Variants in GRID1 observed in about 807,000 individuals in gnomAD.
GRID1 encodes the protein glutamate receptor ionotropic, delta-1.
In GRID1, 28 loss-of-function variants were observed where a neutral mutation model predicts 98.0. The observed-to-expected ratio is 0.29, with a 90% CI of 0.21 to 0.39. The LOEUF is 0.39. Among genes scored for constraint, GRID1 ranks in the 10% least tolerant of loss-of-function variants. GRID1 has a pLI of 1.00. For synonymous variants in GRID1, 553 were observed against 538.5 expected (o/e 1.03, Z -0.37); for missense variants, 1,111 against 1,340.5 (o/e 0.83, Z 2.67).
intron 2 of GRID1, among the ~76,000 whole-genome samples, chr10:86,284,809 G>T (rs1050033476): frequency 6.6e-6 from 1 of 152,224 alleles, no homozygotes; most frequent in Admixed American, 6.5e-5. Flanking sequence ...GCATAGGGTC[G>T]CAGCAGAGGG....
intron 2 of GRID1, among the ~76,000 whole-genome samples, chr10:86,210,183 G>A (rs759862408): frequency 2.0e-5 from 3 of 152,180 alleles, no homozygotes; most frequent in Non-Finnish European, 4.4e-5. Flanking sequence ...AAGGGACTTA[G>A]AACCTTTCAG....
At chr10:85,771,291 G>A (rs564927138) in intron 8 of GRID1, among the ~76,000 whole-genome samples, 4 of 152,076 alleles carry the variant, frequency 2.6e-5, no homozygotes, top group African/African-American at 7.2e-5. Flanking sequence ...TTGTCACCAC[G>A]AGGCCTGCCC....
chr10:86,016,020 C>T (rs1034745605), intron 4 of GRID1, among the ~76,000 whole-genome samples: 3 of 151,904 alleles, frequency 2.0e-5, no homozygotes, highest in East Asian at 1.9e-4. Flanking sequence ...GGGAAGTTAC[C>T]GAGCATTATG....
rs187498718 is a variant in GRID1 at position 86,067,250 on chromosome 10, C to T, written c.726+71569G>A. Among the ~76,000 whole-genome samples, 432 of 152,330 alleles carry T rather than the reference C, an allele frequency of 2.8e-3. 5 individuals are homozygous for T. Among genetic ancestry groups the T allele is most frequent in the African/African-American group, 9.8e-3 (409 of 41,568 alleles). On this transcript the variant is annotated intron_variant, in intron 4 of 15. Transcript: ENST00000327946. ...CGGCTCCAGCAGTACAGAGCCTCCG[C>T]GCTCTGCATGCACGCTGGAGGGTTG...
intron 4 of GRID1, among the ~76,000 whole-genome samples, chr10:85,964,910 C>T (rs1330269226): frequency 6.6e-6 from 1 of 152,164 alleles, no homozygotes. Flanking sequence ...GGGCTAATAT[C>T]CAGAATCTAC....
intron 13 of GRID1, among the ~76,000 whole-genome samples, chr10:85,635,711 T>C (rs1044027458): frequency 1.3e-5 from 2 of 152,228 alleles, no homozygotes; most frequent in African/African-American, 4.8e-5. Flanking sequence ...GGATGGCATC[T>C]GGTGAGGCTG....
chr10:85,936,032 T>C (rs1239149729), intron 4 of GRID1, among the ~76,000 whole-genome samples: 1 of 152,104 alleles, frequency 6.6e-6, no homozygotes, highest in Non-Finnish European at 1.5e-5. Flanking sequence ...GGGTCCATCA[T>C]CTGCAACACA....
At chr10:85,965,626 G>A (rs1434815077) in intron 4 of GRID1, among the ~76,000 whole-genome samples, 2 of 152,056 alleles carry the variant, frequency 1.3e-5, no homozygotes, top group African/African-American at 2.4e-5. Flanking sequence ...TCACACACCA[G>A]GGCCTGTCAG....
chr10:86,271,450 A>G (rs1046940102), intron 2 of GRID1, among the ~76,000 whole-genome samples: 1 of 152,250 alleles, frequency 6.6e-6, no homozygotes, highest in Non-Finnish European at 1.5e-5. Flanking sequence ...GAAGAAAAAA[A>G]TCAATCGATC....
rs761950611 is a variant in GRID1, at chr10:86,366,363, G to A, written c.30C>T (p.Pro10=). The change falls in exon 1 of 16, where the codon CCC becomes CCT. Residue 10 remains proline (P), a synonymous_variant. Coordinates refer to ENST00000327946, the MANE Select transcript of GRID1 (RefSeq NM_017551.3). The surrounding 1 kb of genome is among the most constrained non-coding windows in gnomAD (Gnocchi z 4.1). ...GCACCGACACGCACTGGCATATCCA[G>A]GGGAGAAGCCACAGCGTCAGCGCTT... is the stretch of plus-strand genomic sequence containing the variant. MEALTLWLL[P]WICQCVSVRA... The A allele has an allele frequency of 3.3e-6, 5 of 1,522,296 alleles. No homozygotes were observed. Among genetic ancestry groups the A allele is most frequent in the Admixed American group, 2.0e-5 (1 of 50,534 alleles). 94.3% of individuals were successfully genotyped at this position (1,522,296 alleles called of 1,614,324 possible).
intron 3 of GRID1, among the ~76,000 whole-genome samples, chr10:86,172,264 T>C (rs1845500032): frequency 6.6e-6 from 1 of 152,262 alleles, no homozygotes; most frequent in Non-Finnish European, 1.5e-5. Flanking sequence ...ATGTGGTCTT[T>C]AGTGGCTAGC....
chr10:86,362,091 C>T (rs1475654123), intron 2 of GRID1, among the ~76,000 whole-genome samples: 1 of 152,198 alleles, frequency 6.6e-6, no homozygotes, highest in African/African-American at 2.4e-5. Flanking sequence ...GCAGGGTCCC[C>T]ACCACACTGT....
intron 5 of GRID1, among the ~76,000 whole-genome samples, chr10:85,909,288 T>C (rs1440139459): frequency 6.6e-6 from 1 of 152,122 alleles, no homozygotes; most frequent in African/African-American, 2.4e-5. Flanking sequence ...ACCCCGACCA[T>C]ACCAAGTACC....
At chr10:86,171,806 T>G (rs1194917626) in intron 3 of GRID1, among the ~76,000 whole-genome samples, 1 of 152,176 alleles carries the variant, frequency 6.6e-6, no homozygotes. Flanking sequence ...TTCCAGAGTC[T>G]TCATAGCATG....
At chr10:86,169,513 G>A (rs934264056) in intron 3 of GRID1, among the ~76,000 whole-genome samples, 1 of 152,186 alleles carries the variant, frequency 6.6e-6, no homozygotes, top group Non-Finnish European at 1.5e-5. Context: ...TTCCATCATG[G>A]GGGTGGTGGA....
intron 3 of GRID1, among the ~76,000 whole-genome samples, chr10:86,199,939 C>T (rs182371389): frequency 2.6e-5 from 4 of 152,082 alleles, no homozygotes; most frequent in Admixed American, 2.0e-4. Context: ...GAGTGCCACC[C>T]GAGGTAGCAA....
rs541171829 is a variant in GRID1 at position 86,336,082 on chromosome 10, C to T, written c.235+27859G>A. 3.9e-5 allele frequency among the ~76,000 whole-genome samples: 6 copies of T among 152,304 alleles called. No homozygotes were observed. In the East Asian group the frequency reaches 5.8e-4, roughly 15 times the overall value. ...ATCCCAAACATTGAAGACAGAAGGG[C>T]GGCAGGGGCTGCTCCACTCCACCTT... On this transcript the variant is annotated intron_variant, in intron 2 of 15. Transcript: ENST00000327946.
intron 2 of GRID1, among the ~76,000 whole-genome samples, chr10:86,293,029 A>G (rs535663234): frequency 1.3e-5 from 2 of 152,086 alleles, no homozygotes; most frequent in Non-Finnish European, 2.9e-5. Flanking sequence ...CCTGCTGCAG[A>G]CCCAGTCTCT....
intron 1 of GRID1, among the ~76,000 whole-genome samples, chr10:86,364,724 C>A (rs1195902621): frequency 6.6e-6 from 1 of 152,264 alleles, no homozygotes; most frequent in Non-Finnish European, 1.5e-5. Context: ...CTCCATCCTT[C>A]CCCACTCCCA....
Sources: allele counts gnomAD v4.1 joint callset (sites outside exome capture counted in the v4.1 genomes callset), GRCh38; gene constraint gnomAD v4.1.1; non-coding constraint Gnocchi (gnomAD v3.1); transcripts MANE v1.5; gene names NCBI Gene and HGNC (gene_info 2026-07-23, HGNC 2026-07-21).